LCE3A: variants seen among roughly 807,000 people sequenced by gnomAD.
LCE3A encodes late cornified envelope 3A.
For missense variants in LCE3A, 130 were observed against 113.9 expected, an observed-to-expected ratio of 1.14 and a Z score of -0.64; for synonymous variants, 46 against 42.7, an observed-to-expected ratio of 1.08 and a Z score of -0.30.
chr1:152,622,849 AGAACT>A, the LCE3A span: 2 of 1,614,134 alleles, frequency 1.2e-6, no homozygotes, highest in Non-Finnish European at 1.7e-6. Context: ...AGCAGCCCGC[AGAACT>A]GTGGCCACAG....
Position 152,622,907 on chromosome 1 carries a change from T to C in LCE3A, c.197A>G (p.Asn66Ser), listed in dbSNP as rs770985180. 2 of 1,613,872 alleles carry C rather than the reference T, an allele frequency of 1.2e-6. No homozygotes were observed. Among genetic ancestry groups the C allele is most frequent in the Non-Finnish European group, 1.7e-6 (2 of 1,179,940 alleles). Reference sequence around the variant, plus strand: ...CTGACCACTTCCCCTGTCACAGGAGTTGGAGCTCTGGCAACGGCAACGGTG... The same window carrying C: ...CTGACCACTTCCCCTGTCACAGGAGCTGGAGCTCTGGCAACGGCAACGGTG... ...RSHRCRCQSS[N>S]SCDRGSGQQG... The change falls in exon 1 of 1, where the codon AAC becomes AGC. Residue 66 changes from asparagine to serine, a missense_variant. Physicochemically the swap from Asn to Ser is conservative, Grantham distance 46. Transcript: ENST00000335674.
rs756891786 is a variant in LCE3A at position 152,622,850 on chromosome 1, G to C, written c.254C>G (p.Ser85Cys). Residue 85 changes from serine (S) to cysteine (C), a missense_variant, in exon 1 of 1, where the codon TCT (serine) becomes TGT (cysteine). Physicochemically the swap from Ser to Cys is moderately radical, Grantham distance 112 (BLOSUM62 -1). Coordinates refer to ENST00000335674, the MANE Select transcript of LCE3A (RefSeq NM_178431.1). The stretch of plus-strand genomic sequence containing the variant: ...TGGCTCAGGTCAGCAGCAGCCCGCA[G>C]AACTGTGGCCACAGCTGGAGCTCCC... Reference protein sequence around the residue: ...QGGSSSCGHSSAGCC With the variant: ...QGGSSSCGHSCAGCC 4.3e-6 allele frequency: 7 copies of C among 1,613,976 alleles called. No individual in the cohort carries two copies. Among genetic ancestry groups the C allele is most frequent in the Non-Finnish European group, 5.9e-6 (7 of 1,180,030 alleles).
Position 152,622,890 on chromosome 1 carries a change from T to C in LCE3A, c.214A>G (p.Ser72Gly). The C allele has an allele frequency of 1.9e-6, 3 of 1,614,196 alleles. No homozygotes were observed. Among genetic ancestry groups the C allele is most frequent in the Non-Finnish European group, 2.5e-6 (3 of 1,180,024 alleles). ...CTGGAGCTCCCGCCTTGCTGACCAC[T>C]TCCCCTGTCACAGGAGTTGGAGCTC... ...CQSSNSCDRG[S>G]GQQGGSSSCG... is the part of the protein sequence containing the mutation. The change falls in exon 1 of 1, where the codon AGT becomes GGT. Residue 72 changes from serine to glycine, a missense_variant. Coordinates refer to ENST00000335674, the MANE Select transcript of LCE3A (RefSeq NM_178431.1).
Position 152,622,997 on chromosome 1 carries a change from G to C in LCE3A, c.107C>G (p.Ser36Cys), listed in dbSNP as rs762658072. Reference sequence around the variant, plus strand: ...CTCGGAGCTGGGCCCACAGCCCCCAGAGCTTGGGGCACAGCTGGAGGAAGC... The same window carrying C: ...CTCGGAGCTGGGCCCACAGCCCCCACAGCTTGGGGCACAGCTGGAGGAAGC... ...PPASSSCAPS[S>C]GGCGPSSERS... is the part of the protein sequence containing the mutation. The change falls in exon 1 of 1, where the codon TCT becomes TGT. Residue 36 changes from serine to cysteine, a missense_variant. Coordinates refer to ENST00000335674, the MANE Select transcript of LCE3A (RefSeq NM_178431.1). The C allele has an allele frequency of 1.2e-6, 2 of 1,614,216 alleles. No individual in the cohort carries two copies. Among genetic ancestry groups the C allele is most frequent in the African/African-American group, 2.7e-5 (2 of 75,076 alleles).
rs749887110 is a variant in LCE3A at position 152,622,860 on chromosome 1, C to T, written c.244G>A (p.Gly82Ser). 6.2e-7 allele frequency: 1 copy of T among 1,614,096 alleles called. No homozygotes were observed. The highest frequency in any genetic ancestry group is 1.7e-5 in the Admixed American group (1 of 60,026). Residue 82 changes from glycine (G) to serine (S), a missense_variant, in exon 1 of 1, where the codon GGC (glycine) becomes AGC (serine). Coordinates refer to ENST00000335674, the MANE Select transcript of LCE3A (RefSeq NM_178431.1). ...CAGCAGCAGCCCGCAGAACTGTGGC[C>T]ACAGCTGGAGCTCCCGCCTTGCTGA... ...SGQQGGSSSC[G>S]HSSAGCC is the part of the protein sequence containing the mutation.
Sources: allele counts gnomAD v4.1 joint callset, GRCh38; gene constraint gnomAD v4.1.1; transcripts MANE v1.5; gene names NCBI Gene and HGNC (gene_info 2026-07-23, HGNC 2026-07-21).